The following ARHGEF4 variants were observed in gnomAD, a reference collection of about 807,000 sequenced individuals.
ARHGEF4 encodes the protein APC-stimulated guanine nucleotide exchange factor 1.
Under a neutral mutation model 162.0 loss-of-function variants are expected in ARHGEF4, and 119 were observed. That is an observed-to-expected ratio of 0.73 (90% CI 0.63 to 0.86). The LOEUF (loss-of-function observed/expected upper bound fraction) is 0.86, where lower values mean the gene tolerates loss of function less well. Ranked by LOEUF, ARHGEF4 falls within the 40% of genes least tolerant of loss-of-function variation. ARHGEF4 has a pLI of 0.00. For missense variants in ARHGEF4, 2,488 were observed against 2,456.0 expected (o/e 1.01, Z -0.28); for synonymous variants, 1,014 against 979.9 (o/e 1.03, Z -0.65).
chr2:130,906,691 C>T (rs1243899189), intron 1 of ARHGEF4, among the ~76,000 whole-genome samples: 2 of 152,202 alleles, frequency 1.3e-5, no homozygotes, highest in African/African-American at 2.4e-5. Flanking sequence ...AACTAAAGTA[C>T]AGCGTTCAAA....
chr2:130,913,903 T>C, intron 1 of ARHGEF4, 83 bp from the exon 2 acceptor site: 2 of 1,488,022 alleles, frequency 1.3e-6, no homozygotes, highest in Admixed American at 4.1e-5. Context: ...CCTTCCTCCT[T>C]CTGGCAAAGG....
chr2:130,839,384 G>A (rs996802461), intron 1 of ARHGEF4, among the ~76,000 whole-genome samples: 1 of 152,184 alleles, frequency 6.6e-6, no homozygotes, highest in African/African-American at 2.4e-5. Flanking sequence ...ACCTCAGATT[G>A]TCTGGGTCTC....
At chr2:130,974,255 G>C (rs1479959037) in intron 4 of ARHGEF4, among the ~76,000 whole-genome samples, 1 of 150,404 alleles carries the variant, frequency 6.6e-6, no homozygotes, top group African/African-American at 2.4e-5. Context: ...TGGGGCAACA[G>C]AGTGAGATCT....
At chr2:130,930,280 G>C (rs1008546720) in intron 2 of ARHGEF4, among the ~76,000 whole-genome samples, 1 of 152,166 alleles carries the variant, frequency 6.6e-6, no homozygotes, top group African/African-American at 2.4e-5. Flanking sequence ...TACAAAGTAG[G>C]TGTTCATGGG....
At chr2:130,848,722 A>G (rs1238180643) in intron 1 of ARHGEF4, among the ~76,000 whole-genome samples, 1 of 152,154 alleles carries the variant, frequency 6.6e-6, no homozygotes, top group Non-Finnish European at 1.5e-5. Flanking sequence ...TTCCAGTCAC[A>G]TGACACTTGC....
intron 4 of ARHGEF4, among the ~76,000 whole-genome samples, chr2:130,997,944 C>G (rs1687512002): frequency 1.3e-5 from 2 of 151,986 alleles, no homozygotes; most frequent in South Asian, 4.2e-4. Context: ...CCCCCAGGAG[C>G]AGAGCTTCGT....
Position 130,946,647 on chromosome 2 carries a change from G to A in ARHGEF4, c.3985+12G>A, listed in dbSNP as rs780205143. ...CACACCAGGCACTGGTGAGTTACGCGCCTCTCTCTTTTGCTATGTACTCTG... is the reference window on the plus strand; with the variant it reads ...CACACCAGGCACTGGTGAGTTACGCACCTCTCTCTTTTGCTATGTACTCTG... On this transcript the variant is annotated intron_variant, in intron 4 of 13. Transcript: ENST00000409359. 282 of 1,613,562 alleles carry A rather than the reference G, an allele frequency of 1.7e-4. No homozygotes were observed. Among genetic ancestry groups the A allele is most frequent in the Non-Finnish European group, 2.2e-4 (264 of 1,179,706 alleles).
chr2:130,872,845 A>G (rs1464681340), intron 1 of ARHGEF4, among the ~76,000 whole-genome samples: 2 of 152,178 alleles, frequency 1.3e-5, no homozygotes, highest in Non-Finnish European at 2.9e-5. Context: ...GGCTGAGGTC[A>G]GGTCTCGTGG....
In ARHGEF4 at chr2:130,876,253, C is replaced by T. The variant is rs191109161; in HGVS notation, c.40-37733C>T. On this transcript the variant is annotated intron_variant, in intron 1 of 13. Coordinates refer to ENST00000409359, the MANE Select transcript of ARHGEF4 (RefSeq NM_001367493.1). ...GGTTTGGAGGGGCTGCATCACAGGA[C>T]GCTGCCTGACAGGCAGTAGGAGCAC... Among the ~76,000 whole-genome samples the T allele has an allele frequency of 9.3e-4, 142 of 152,282 alleles. 1 individual carries two copies. Among genetic ancestry groups the T allele is most frequent in the African/African-American group, 3.3e-3 (137 of 41,566 alleles).
intron 1 of ARHGEF4, among the ~76,000 whole-genome samples, chr2:130,895,263 G>T (rs1050551606): frequency 1.3e-5 from 2 of 152,156 alleles, no homozygotes; most frequent in Admixed American, 6.5e-5. Flanking sequence ...AGTGTGAGCA[G>T]CCCACTCCTT....
chr2:130,938,050 A>G (rs1368923081), intron 3 of ARHGEF4, among the ~76,000 whole-genome samples: 1 of 152,198 alleles, frequency 6.6e-6, no homozygotes, highest in East Asian at 1.9e-4. Flanking sequence ...TGTTGCTGAC[A>G]GTATTCCGTG....
intron 1 of ARHGEF4, among the ~76,000 whole-genome samples, chr2:130,912,605 G>A (rs1367275207): frequency 2.0e-5 from 3 of 152,062 alleles, no homozygotes; most frequent in Non-Finnish European, 2.9e-5. Flanking sequence ...GGCCGGTGGG[G>A]TGAATGGCTT....
chr2:131,012,933 C>T (rs1339317261), intron 4 of ARHGEF4, among the ~76,000 whole-genome samples: 1 of 152,208 alleles, frequency 6.6e-6, no homozygotes, highest in Non-Finnish European at 1.5e-5. Flanking sequence ...GAAAGGAAGT[C>T]TACCAATATT....
chr2:130,974,199 G>C (rs1355899491), intron 4 of ARHGEF4, among the ~76,000 whole-genome samples: 1 of 149,192 alleles, frequency 6.7e-6, no homozygotes, highest in African/African-American at 2.5e-5. Flanking sequence ...TTGACCCTGG[G>C]AGATTGAGGC....
At chr2:130,941,122 C>T (rs1326878670) in intron 3 of ARHGEF4, among the ~76,000 whole-genome samples, 2 of 151,860 alleles carry the variant, frequency 1.3e-5, no homozygotes, top group South Asian at 2.1e-4. Context: ...CCTGAGAAAA[C>T]GTTTTGTCAA....
intron 5 of ARHGEF4, among the ~76,000 whole-genome samples, chr2:131,033,219 C>T (rs1051056523): frequency 6.6e-6 from 1 of 152,214 alleles, no homozygotes; most frequent in African/African-American, 2.4e-5. Context: ...TTACCACTGC[C>T]GTTCCTGCCA....
At chr2:131,041,557 C>G in intron 9 of ARHGEF4, 95 bp downstream of exon 9, 1 of 1,327,964 alleles carries the variant, frequency 7.5e-7, no homozygotes, top group East Asian at 2.4e-5. Flanking sequence ...ACTGCTGCAG[C>G]CCTGGGGCAA....
At chr2:131,019,519 G>A (rs988525901) in intron 4 of ARHGEF4, among the ~76,000 whole-genome samples, 1 of 150,646 alleles carries the variant, frequency 6.6e-6, no homozygotes, top group South Asian at 2.1e-4. Context: ...TATGAACATG[G>A]GACGTCTTTC....
At chr2:130,992,306 T>C (rs915193696) in intron 4 of ARHGEF4, among the ~76,000 whole-genome samples, 3 of 152,146 alleles carry the variant, frequency 2.0e-5, no homozygotes, top group African/African-American at 4.8e-5. Flanking sequence ...TTCCACACTG[T>C]GGAAGCTTTA....
Sources: gnomAD v4.1 joint callset for allele counts (sites outside exome capture counted in the v4.1 genomes callset) on GRCh38, gnomAD v4.1.1 for gene constraint, MANE v1.5 for transcripts, NCBI Gene and HGNC (gene_info 2026-07-23, HGNC 2026-07-21) for gene names.